The following NOL4 variants were observed in gnomAD, a reference collection of about 807,000 sequenced individuals.
NOL4 encodes cancer/testis antigen 125.
A neutral mutation model predicts 75.9 loss-of-function variants in NOL4; 17 were observed. That is an observed-to-expected ratio of 0.22 (90% CI 0.15 to 0.34). The LOEUF (loss-of-function observed/expected upper bound fraction) is 0.34, where lower values mean the gene tolerates loss of function less well. Ranked by LOEUF, NOL4 falls within the 10% of genes least tolerant of loss-of-function variation. NOL4 has a pLI of 1.00. For synonymous variants in NOL4, 292 were observed against 289.9 expected, an observed-to-expected ratio of 1.01 and a Z score of -0.07; for missense variants, 614 against 793.5, an observed-to-expected ratio of 0.77 and a Z score of 2.72.
chr18:33,896,396 A>G (rs565409032), intron 9 of NOL4, among the ~76,000 whole-genome samples: 26 of 152,180 alleles, frequency 1.7e-4, no homozygotes, highest in Non-Finnish European at 2.9e-4. Context: ...CTACAAGGCT[A>G]CAGTAACCAA....
intron 1 of NOL4, among the ~76,000 whole-genome samples, chr18:34,217,351 C>A (rs2036967975): frequency 6.6e-6 from 1 of 151,530 alleles, no homozygotes; most frequent in Admixed American, 6.6e-5. Context: ...ATGGTGCGAT[C>A]TCGGCTCACT....
At chr18:33,879,374 T>C (rs2064120787) in intron 10 of NOL4, among the ~76,000 whole-genome samples, 1 of 152,028 alleles carries the variant, frequency 6.6e-6, no homozygotes, top group South Asian at 2.1e-4. Context: ...TATAATATTA[T>C]ATAAAGGTAT....
chr18:34,204,154 T>C (rs2035956465), intron 1 of NOL4, among the ~76,000 whole-genome samples: 1 of 152,104 alleles, frequency 6.6e-6, no homozygotes, highest in African/African-American at 2.4e-5. Context: ...TAACACCTTA[T>C]TATTCTGCAA....
At chr18:34,137,801 C>T (rs890555799) in intron 1 of NOL4, among the ~76,000 whole-genome samples, 5 of 151,842 alleles carry the variant, frequency 3.3e-5, no homozygotes, top group African/African-American at 1.2e-4. Context: ...CACACACACA[C>T]ACACACACGC....
intron 5 of NOL4, among the ~76,000 whole-genome samples, chr18:34,076,292 T>C (rs1012829609): frequency 6.6e-6 from 1 of 152,116 alleles, no homozygotes. Context: ...AGCAGCTTTG[T>C]AGTGCGCACA....
At chr18:33,856,584 T>G (rs2062845730) in intron 10 of NOL4, among the ~76,000 whole-genome samples, 1 of 151,928 alleles carries the variant, frequency 6.6e-6, no homozygotes, top group Non-Finnish European at 1.5e-5. Flanking sequence ...GGACCTCCAC[T>G]CCCAAGCAAT....
intron 9 of NOL4, among the ~76,000 whole-genome samples, chr18:33,937,639 T>TG (rs1394377746): frequency 2.6e-5 from 4 of 152,098 alleles, no homozygotes; most frequent in Non-Finnish European, 4.4e-5. Context: ...TCTCTCTAGT[T>TG]GGGCAAAGAG....
intron 2 of NOL4, 45 bp from the exon 3 acceptor site, chr18:34,105,205 G>A: frequency 8.3e-7 from 1 of 1,211,908 alleles, no homozygotes; most frequent in Non-Finnish European, 1.2e-6. Flanking sequence ...TAAGCTCACT[G>A]AGCATGATTT....
chr18:34,133,576 A>C (rs2080759257), intron 1 of NOL4, among the ~76,000 whole-genome samples: 1 of 152,134 alleles, frequency 6.6e-6, no homozygotes. Context: ...TAGGTAATTG[A>C]TTTATTGGAA....
intron 4 of NOL4, among the ~76,000 whole-genome samples, chr18:34,096,017 T>C (rs938701262): frequency 6.6e-6 from 1 of 152,006 alleles, no homozygotes; most frequent in African/African-American, 2.4e-5. Flanking sequence ...ATATAAATAT[T>C]CAAGTCACAG....
At chr18:33,879,376 T>C (rs1352075448) in intron 10 of NOL4, among the ~76,000 whole-genome samples, 5 of 152,064 alleles carry the variant, frequency 3.3e-5, no homozygotes, top group African/African-American at 1.2e-4. Context: ...TAATATTATA[T>C]AAAGGTATTT....
chr18:33,887,848 T>C (rs1327472860), intron 9 of NOL4, among the ~76,000 whole-genome samples: 4 of 152,184 alleles, frequency 2.6e-5, no homozygotes, highest in African/African-American at 9.7e-5. Context: ...GTTCCAATTC[T>C]TTGCTATTGT....
chr18:34,088,319 G>C (rs2078342783), intron 5 of NOL4, among the ~76,000 whole-genome samples: 1 of 151,912 alleles, frequency 6.6e-6, no homozygotes, highest in Non-Finnish European at 1.5e-5. Context: ...GTTTTAGAAG[G>C]TACAAATTCA....
intron 5 of NOL4, among the ~76,000 whole-genome samples, chr18:34,054,714 G>A (rs2076761174): frequency 6.6e-6 from 1 of 151,616 alleles, no homozygotes; most frequent in African/African-American, 2.4e-5. Context: ...AGTCATTACT[G>A]ATTTAGGGAA....
At chr18:34,194,551 A>T (rs2035183270) in intron 1 of NOL4, among the ~76,000 whole-genome samples, 1 of 152,124 alleles carries the variant, frequency 6.6e-6, no homozygotes, top group Non-Finnish European at 1.5e-5. Context: ...CTCGTAAGTA[A>T]GCTGGGAAAA....
intron 1 of NOL4, among the ~76,000 whole-genome samples, chr18:34,195,670 C>T (rs149408857): frequency 4.2e-4 from 64 of 151,206 alleles, no homozygotes; most frequent in African/African-American, 1.5e-3. Flanking sequence ...AGCTTTGTAC[C>T]GGTGTGTGCC....
chr18:34,159,088 G>A (rs1025279270), intron 1 of NOL4, among the ~76,000 whole-genome samples: 2 of 152,148 alleles, frequency 1.3e-5, no homozygotes, highest in African/African-American at 2.4e-5. Flanking sequence ...CTTCAGCGGC[G>A]GCGGCTGGAG....
At chr18:34,191,561 GT>G (rs1008382389) in intron 1 of NOL4, among the ~76,000 whole-genome samples, 3 of 152,042 alleles carry the variant, frequency 2.0e-5, no homozygotes, top group Non-Finnish European at 4.4e-5. Flanking sequence ...CTATCTCTCT[GT>G]TGTTTGCAAT....
At position 33,943,095 on chromosome 18, in the gene NOL4, G is replaced by A. The variant is rs760663253; in HGVS notation, c.1512C>T (p.Ala504=). ...ASACESESRN[A]AKRMRLERQQ... Reference sequence around the variant, plus strand: ...GTCTCTCCAGACGCATCCTCTTGGCGGCATTTCTACTCTCACTCTCACAAG... The same window carrying A: ...GTCTCTCCAGACGCATCCTCTTGGCAGCATTTCTACTCTCACTCTCACAAG... Residue 504 remains alanine (A), a synonymous_variant, in exon 9 of 11, where the codon GCC becomes GCT. Coordinates refer to ENST00000261592, the MANE Select transcript of NOL4 (RefSeq NM_003787.5). 15 of 1,611,306 alleles carry A rather than the reference G, an allele frequency of 9.3e-6. No individual in the cohort carries two copies. The highest frequency in any genetic ancestry group is 2.2e-5 in the South Asian group (2 of 91,004).
Sources: allele counts gnomAD v4.1 joint callset (sites outside exome capture counted in the v4.1 genomes callset), GRCh38; gene constraint gnomAD v4.1.1; transcripts MANE v1.5; gene names NCBI Gene and HGNC (gene_info 2026-07-23, HGNC 2026-07-21).